FAM171A1: variants seen among roughly 807,000 people sequenced by gnomAD.
FAM171A1 encodes the protein family with sequence similarity 171 member A1, also known as protein FAM171A1.
A neutral mutation model predicts 74.9 loss-of-function variants in FAM171A1; 23 were observed. The ratio of observed to expected loss-of-function variants is 0.31; its 90% CI spans 0.22 to 0.44. FAM171A1 has a LOEUF of 0.44. FAM171A1 is among the 20% of genes least tolerant of loss of function. The pLI is 1.00. For missense variants in FAM171A1, 1,162 were observed against 1,159.2 expected (o/e 1.00, Z -0.03); for synonymous variants, 527 against 505.7 (o/e 1.04, Z -0.57).
At chr10:15,271,949 C>T (rs1834831059) in intron 3 of FAM171A1, among the ~76,000 whole-genome samples, 1 of 152,148 alleles carries the variant, frequency 6.6e-6, no homozygotes, top group Admixed American at 6.6e-5. Flanking sequence ...TTCTAAAGAC[C>T]ACTGATGCTA....
At chr10:15,246,431 G>A (rs1391901652) in intron 5 of FAM171A1, among the ~76,000 whole-genome samples, 2 of 152,186 alleles carry the variant, frequency 1.3e-5, no homozygotes, top group East Asian at 3.8e-4. Flanking sequence ...CGAGGAATTA[G>A]ATATCTTTGA....
chr10:15,255,385 A>G (rs772482188), intron 3 of FAM171A1, among the ~76,000 whole-genome samples: 6 of 152,216 alleles, frequency 3.9e-5, no homozygotes, highest in Non-Finnish European at 7.3e-5. Flanking sequence ...AGAATTGCAA[A>G]CAATACCCCA....
chr10:15,369,605 A>G (rs1307375760), intron 1 of FAM171A1, among the ~76,000 whole-genome samples: 1 of 152,220 alleles, frequency 6.6e-6, no homozygotes, highest in Admixed American at 6.5e-5. Context: ...TATACCAGGA[A>G]ATGATACTGC....
At chr10:15,363,878 G>GCT (rs1836026519) in intron 1 of FAM171A1, among the ~76,000 whole-genome samples, 1 of 152,200 alleles carries the variant, frequency 6.6e-6, no homozygotes, top group Non-Finnish European at 1.5e-5. Context: ...TTGTCGAGGT[G>GCT]TTTCCACAGC....
chr10:15,235,508 T>C (rs1210031678), intron 5 of FAM171A1, among the ~76,000 whole-genome samples: 8 of 152,054 alleles, frequency 5.3e-5, no homozygotes, highest in Admixed American at 5.2e-4. Context: ...CCACTACCTT[T>C]CTCAAACTGA....
chr10:15,268,585 T>C (rs1834779236), intron 3 of FAM171A1, among the ~76,000 whole-genome samples: 1 of 151,906 alleles, frequency 6.6e-6, no homozygotes, highest in African/African-American at 2.4e-5. Flanking sequence ...AGAGGCGTCA[T>C]CCAAGGCCCC....
At chr10:15,371,687 G>A (rs1046998070), upstream of FAM171A1, among the ~76,000 whole-genome samples, 2 of 152,226 alleles carry the variant, frequency 1.3e-5, no homozygotes, top group Admixed American at 6.5e-5. Flanking sequence ...ACGTGTTGGC[G>A]GGTGGACAGC....
At chr10:15,270,632 G>A (rs1834811561) in intron 3 of FAM171A1, among the ~76,000 whole-genome samples, 1 of 152,152 alleles carries the variant, frequency 6.6e-6, no homozygotes, top group East Asian at 1.9e-4. Context: ...CTCCCAGTAG[G>A]GGCCGACTGA....
chr10:15,260,941 A>G (rs575714275), intron 3 of FAM171A1, among the ~76,000 whole-genome samples: 5 of 152,292 alleles, frequency 3.3e-5, no homozygotes, highest in Non-Finnish European at 7.3e-5. Flanking sequence ...CACCTTCACA[A>G]AATCCAGACA....
upstream of FAM171A1, among the ~76,000 whole-genome samples, chr10:15,373,190 T>C (rs1187902621): frequency 1.3e-5 from 2 of 152,230 alleles, no homozygotes; most frequent in Non-Finnish European, 2.9e-5. Flanking sequence ...TGCTGCAATT[T>C]GCGCAAATCA....
At chr10:15,233,521 GGTGTGTGTGT>G (rs61637156) in intron 5 of FAM171A1, among the ~76,000 whole-genome samples, 84 of 145,372 alleles carry the variant, frequency 5.8e-4, no homozygotes, top group Admixed American at 2.3e-3. Context: ...GTGTATTCAG[GGTGTGTGTGT>G]GTGTGTGTGT....
At position 15,272,326 on chromosome 10, in the gene FAM171A1, T is replaced by A. The variant is rs867934748; in HGVS notation, c.418+3529A>T. On this transcript the variant is annotated intron_variant, in intron 3 of 7. Transcript: ENST00000378116. Reference sequence around the variant, plus strand: ...ATTACATAATGGTAAAGGGATCAATTCAACAAGAAGAGCTAACTGTCCTAA... The same window carrying A: ...ATTACATAATGGTAAAGGGATCAATACAACAAGAAGAGCTAACTGTCCTAA... Among the ~76,000 whole-genome samples, 31 of 152,246 alleles carry A rather than the reference T, an allele frequency of 2.0e-4. No individual in the cohort carries two copies. The Middle Eastern group carries it at 0.017, about 84-fold the overall frequency.
At chr10:15,289,960 T>C (rs1835083512) in intron 1 of FAM171A1, among the ~76,000 whole-genome samples, 1 of 152,210 alleles carries the variant, frequency 6.6e-6, no homozygotes, top group South Asian at 2.1e-4. Context: ...GAAGGCCATG[T>C]GGCTCACGCC....
chr10:15,240,344 G>A (rs1834347867), intron 5 of FAM171A1, among the ~76,000 whole-genome samples: 1 of 147,790 alleles, frequency 6.8e-6, no homozygotes, highest in Non-Finnish European at 1.5e-5. Context: ...CTGGGTGACA[G>A]AGCGAGACAC....
chr10:15,213,342 G>C lies in FAM171A1; in HGVS notation c.2246C>G (p.Pro749Arg). Reference protein sequence around the residue: ...SLDSGVDMNEPKSARKGRGDA... With the variant: ...SLDSGVDMNERKSARKGRGDA... ...TCCCCTTCCCTTCCGGGCTGATTTT[G>C]GTTCATTCATATCTACGCCAGAGTC... is the stretch of plus-strand genomic sequence containing the variant. The change falls in exon 8 of 8, where the codon CCA becomes CGA. Residue 749 changes from proline to arginine, a missense_variant. By Grantham distance (103) the Pro-to-Arg change is moderately radical (BLOSUM62 -2). Coordinates refer to ENST00000378116, the MANE Select transcript of FAM171A1 (RefSeq NM_001010924.2). The surrounding 1 kb of genome is among the most constrained non-coding windows in gnomAD (Gnocchi z 6.8). 6.2e-7 allele frequency: 1 copy of C among 1,614,156 alleles called. No individual in the cohort carries two copies. Among genetic ancestry groups the C allele is most frequent in the East Asian group, 2.2e-5 (1 of 44,880 alleles).
chr10:15,261,099 G>A (rs1386461893), intron 3 of FAM171A1, among the ~76,000 whole-genome samples: 1 of 152,212 alleles, frequency 6.6e-6, no homozygotes, highest in Non-Finnish European at 1.5e-5. Flanking sequence ...CTGAATCTCT[G>A]TTCCTCTCCC....
rs548271243 is a variant in FAM171A1 at position 15,323,675 on chromosome 10, A to G, written c.98-39570T>C. On this transcript the variant is annotated intron_variant, in intron 1 of 7. Coordinates refer to ENST00000378116, the MANE Select transcript of FAM171A1 (RefSeq NM_001010924.2). ...AACATTTTAATGGCATCAGGCTAAA[A>G]CAGCCCAATGCATACACTTCCACAA... is the stretch of plus-strand genomic sequence containing the variant. Among the ~76,000 whole-genome samples, 3 of 152,268 alleles carry G rather than the reference A, an allele frequency of 2.0e-5. No individual in the cohort carries two copies. The South Asian group carries it at 6.2e-4, about 32-fold the overall frequency.
At position 15,214,596 on chromosome 10, in the gene FAM171A1, T is replaced by C; in HGVS notation, c.992A>G (p.Lys331Arg). The C allele has an allele frequency of 1.3e-6, 2 of 1,584,392 alleles. No homozygotes were observed. Among genetic ancestry groups the C allele is most frequent in the Non-Finnish European group, 1.7e-6 (2 of 1,165,054 alleles). The change falls in exon 8 of 8, where the codon AAG (lysine) becomes AGG (arginine). Residue 331 changes from lysine to arginine, a missense_variant. Transcript: ENST00000378116. ...GTGGTGCTGACGAGGTTTCAAGCAC[T>C]TCCTCCTGCGCCCAAAGACACAATC... ...LCLLLYYCRR[K>R]CLKPRQHHRK...
In FAM171A1 at chr10:15,213,017, G is replaced by A. The variant is rs1243447162; in HGVS notation, c.2571C>T (p.His857=). 2 of 1,613,750 alleles carry A rather than the reference G, an allele frequency of 1.2e-6. No homozygotes were observed. The highest frequency in any genetic ancestry group is 1.3e-5 in the African/African-American group (1 of 74,820). The part of the protein sequence containing the change: ...AASPHQRRSA[H]EEEEDDDDDD... The stretch of plus-strand genomic sequence containing the variant: ...CATCATCATCGTCTTCCTCTTCCTC[G>A]TGGGCAGATCTTCTCTGGTGGGGGC... The change falls in exon 8 of 8, where the codon CAC becomes CAT. Residue 857 remains histidine (H), a synonymous_variant. Transcript: ENST00000378116. This position sits in a 1 kb window ranked among gnomAD's most constrained non-coding sequence, Gnocchi z 6.8.
Sources: gnomAD v4.1 joint callset for allele counts (sites outside exome capture counted in the v4.1 genomes callset) on GRCh38, gnomAD v4.1.1 for gene constraint, Gnocchi (gnomAD v3.1) non-coding constraint, MANE v1.5 for transcripts, NCBI Gene and HGNC (gene_info 2026-07-23, HGNC 2026-07-21) for gene names.